Variants in USP18 observed in about 807,000 individuals in gnomAD.
The protein encoded by USP18 is ubl carboxyl-terminal hydrolase 18.
USP18 carries 11 observed loss-of-function variants against 48.7 expected under a neutral mutation model. That is an observed-to-expected ratio of 0.23 (90% CI 0.14 to 0.37). USP18 has a LOEUF of 0.37. USP18 is among the 10% of genes least tolerant of loss of function. The pLI is 1.00. For missense variants in USP18, 285 were observed against 436.4 expected, an observed-to-expected ratio of 0.65 and a Z score of 3.09; for synonymous variants, 114 against 163.2, an observed-to-expected ratio of 0.70 and a Z score of 2.30.
In USP18 at chr22:18,169,657, G is replaced by A. The variant is rs551571770; in HGVS notation, c.628-187G>A. Among the ~76,000 whole-genome samples the A allele has an allele frequency of 5.5e-4, 84 of 152,266 alleles. 2 individuals carry two copies. In the South Asian group the frequency reaches 0.017, roughly 30 times the overall value. On this transcript the variant is annotated intron_variant, in intron 6 of 10. Transcript: ENST00000215794. ...CCGCCATGATTGGGAGCTTCCTGCG[G>A]CCTCCCTAGAAGCAGATGCTGCCAT... is the stretch of plus-strand genomic sequence containing the variant.
rs1929195533 is a variant in USP18 at position 18,157,572 on chromosome 22, C to T, written c.-92C>T. On this transcript the variant is annotated 5_prime_UTR_variant, in exon 2 of 11. Transcript: ENST00000215794. ...TATTTTCACAGAGATTCCATCGTGCCTGGCTCACATAAGCGCTTCCTGGAA... is the reference window on the plus strand; with the variant it reads ...TATTTTCACAGAGATTCCATCGTGCTTGGCTCACATAAGCGCTTCCTGGAA... The T allele has an allele frequency of 6.5e-7, 1 of 1,535,594 alleles. No individual in the cohort carries two copies.
chr22:18,167,502 C>T (rs1362009553), intron 5 of USP18, among the ~76,000 whole-genome samples, 168 bp downstream of exon 5: 5 of 152,094 alleles, frequency 3.3e-5, no homozygotes, highest in East Asian at 1.9e-4. Context: ...TCGAGACCAT[C>T]CTGGCTAACA....
At chr22:18,157,496 G>C in intron 1 of USP18, 62 bp from the exon 2 acceptor site, 1 of 855,108 alleles carries the variant, frequency 1.2e-6, no homozygotes, top group Non-Finnish European at 1.9e-6. Flanking sequence ...CATCAGAACG[G>C]ATTACATGAA....
At chr22:18,157,443 A>C (rs779908587) in intron 1 of USP18, 115 bp from the exon 2 acceptor site, 173 of 567,986 alleles carry the variant, frequency 3.0e-4, no homozygotes, top group Non-Finnish European at 4.9e-4. Flanking sequence ...TCTATGAGTC[A>C]GTCTCCCCAA....
intron 8 of USP18, among the ~76,000 whole-genome samples, chr22:18,172,005 T>G (rs1220201216): frequency 6.6e-6 from 1 of 152,164 alleles, no homozygotes; most frequent in Non-Finnish European, 1.5e-5. Flanking sequence ...ATGCAGTGGG[T>G]CACGCCTGTA....
chr22:18,165,931 C>T (rs1929465098), intron 4 of USP18, among the ~76,000 whole-genome samples: 1 of 151,956 alleles, frequency 6.6e-6, no homozygotes, highest in Non-Finnish European at 1.5e-5. Context: ...TGAAAATGCC[C>T]CTCTCTCCTC....
intron 2 of USP18, among the ~76,000 whole-genome samples, chr22:18,159,305 C>T (rs2123730569): frequency 6.6e-6 from 1 of 152,280 alleles, no homozygotes; most frequent in South Asian, 2.1e-4. Flanking sequence ...GTCTTCCCGC[C>T]TCGGCCTCCC....
rs1451632798 is a variant in USP18, at chr22:18,157,563, C to G, written c.-101C>G. Reference sequence around the variant, plus strand: ...CCCGCATTGTATTTTCACAGAGATTCCATCGTGCCTGGCTCACATAAGCGC... The same window carrying G: ...CCCGCATTGTATTTTCACAGAGATTGCATCGTGCCTGGCTCACATAAGCGC... On this transcript the variant is annotated 5_prime_UTR_variant, in exon 2 of 11. Transcript: ENST00000215794. The G allele has an allele frequency of 2.7e-6, 4 of 1,474,090 alleles. No homozygotes were observed. The highest frequency in any genetic ancestry group is 3.7e-6 in the Non-Finnish European group (4 of 1,077,950). The allele number at this position is 1,474,090 out of a possible 1,614,324, so 91.3% of individuals were successfully genotyped here.
At chr22:18,168,238 C>T (rs1929533670) in intron 6 of USP18, among the ~76,000 whole-genome samples, 1 of 152,204 alleles carries the variant, frequency 6.6e-6, no homozygotes, top group African/African-American at 2.4e-5. Flanking sequence ...CAGGGCATCA[C>T]ATGGCGAGGG....
At chr22:18,171,271 T>G (rs1929618479) in intron 8 of USP18, among the ~76,000 whole-genome samples, 1 of 98,990 alleles carries the variant, frequency 1.0e-5, no homozygotes, top group Non-Finnish European at 1.9e-5. Context: ...CTGGACCACA[T>G]TTAATCAGAG....
intron 4 of USP18, among the ~76,000 whole-genome samples, chr22:18,164,694 T>C (rs1929428449): frequency 6.6e-6 from 1 of 152,204 alleles, no homozygotes; most frequent in South Asian, 2.1e-4. Flanking sequence ...TGCTCTGTGC[T>C]GAGCACAGCT....
rs533315129 is a variant in USP18 at position 18,174,821 on chromosome 22, G to A, written c.1073+979G>A. 1.2e-4 allele frequency among the ~76,000 whole-genome samples: 18 copies of A among 152,280 alleles called. No individual in the cohort carries two copies. In the South Asian group the frequency reaches 1.4e-3, roughly 12 times the overall value. ...TATGTTGCCAGGCTTGTCTCAAACT[G>A]CTGGGCTCAAGCCATCCATCCATTT... On this transcript the variant is annotated intron_variant, in intron 10 of 10. Transcript: ENST00000215794.
intron 4 of USP18, among the ~76,000 whole-genome samples, chr22:18,163,807 C>T (rs111894842): frequency 0.015 from 2,291 of 152,248 alleles, 54 homozygotes; most frequent in African/African-American, 0.049. Flanking sequence ...ATGTTGTTAG[C>T]GGCCCTCAGG....
Position 18,167,880 on chromosome 22 carries a change from C to G in USP18, c.481-10C>G, listed in dbSNP as rs771572901. On this transcript the variant is annotated splice_polypyrimidine_tract_variant and intron_variant, in intron 5 of 10. Transcript: ENST00000215794. ...GTTCCCATCTCACCTCTCCGCTCTC[C>G]CTCTTGCAGGTGGAGAGACTGCAGG... 6.2e-6 allele frequency: 10 copies of G among 1,611,832 alleles called. No homozygotes were observed. The African/African-American group carries it at 1.3e-4, about 22-fold the overall frequency.
intron 1 of USP18, among the ~76,000 whole-genome samples, chr22:18,151,805 C>T (rs1929006247): frequency 6.6e-6 from 1 of 152,094 alleles, no homozygotes; most frequent in Admixed American, 6.6e-5. Context: ...GCCTGTAATC[C>T]CAGCAATTTG....
chr22:18,155,386 C>T (rs1222072115), intron 1 of USP18, among the ~76,000 whole-genome samples: 1 of 152,250 alleles, frequency 6.6e-6, no homozygotes, highest in Non-Finnish European at 1.5e-5. Context: ...CCCTCGCTCG[C>T]TCTCGGTGCC....
chr22:18,150,590 C>A (rs1395989062), intron 1 of USP18, among the ~76,000 whole-genome samples: 1 of 152,204 alleles, frequency 6.6e-6, no homozygotes, highest in Non-Finnish European at 1.5e-5. Context: ...TCATTTCGAA[C>A]TTGCTTTGTC....
intron 8 of USP18, among the ~76,000 whole-genome samples, chr22:18,172,001 TG>T (rs1339783285): frequency 1.3e-5 from 2 of 152,302 alleles, no homozygotes; most frequent in East Asian, 3.9e-4. Context: ...CTGGATGCAG[TG>T]GGTCACGCCT....
At chr22:18,176,515 A>T (rs1384182063) in intron 10 of USP18, among the ~76,000 whole-genome samples, 42 of 105,922 alleles carry the variant, frequency 4.0e-4, no homozygotes, top group African/African-American at 1.4e-3. Flanking sequence ...AAGTAGATTT[A>T]AAAAACCCCA....
Sources: gnomAD v4.1 joint callset for allele counts (sites outside exome capture counted in the v4.1 genomes callset) on GRCh38, gnomAD v4.1.1 for gene constraint, MANE v1.5 for transcripts, NCBI Gene and HGNC (gene_info 2026-07-23, HGNC 2026-07-21) for gene names.